ELOVL6: variants seen among roughly 807,000 people sequenced by gnomAD.
ELOVL6 encodes ELOVL fatty acid elongase 6.
A neutral mutation model predicts 31.7 loss-of-function variants in ELOVL6; 8 were observed. That is an observed-to-expected ratio of 0.25 (90% CI 0.15 to 0.45). The LOEUF (loss-of-function observed/expected upper bound fraction) is 0.45. ELOVL6 is among the 20% of genes least tolerant of loss of function. The pLI, the probability that ELOVL6 is intolerant of heterozygous loss-of-function variation, is 1.00. For synonymous variants in ELOVL6, 101 were observed against 117.7 expected, an observed-to-expected ratio of 0.86 and a Z score of 0.92; for missense variants, 126 against 326.4, an observed-to-expected ratio of 0.39 and a Z score of 4.73.
chr4:110,063,097 T>A (rs1755192001), intron 2 of ELOVL6, among the ~76,000 whole-genome samples: 1 of 152,232 alleles, frequency 6.6e-6, no homozygotes. Context: ...CCTTCCTCGC[T>A]GATCTTATTT....
At chr4:110,171,679 CTTTTTTT>C (rs70956406) in intron 1 of ELOVL6, among the ~76,000 whole-genome samples, 260 of 66,186 alleles carry the variant, frequency 3.9e-3, no homozygotes, top group Middle Eastern at 0.012. Flanking sequence ...ATAATATCCT[CTTTTTTT>C]TTTTTTTTTT....
intron 2 of ELOVL6, among the ~76,000 whole-genome samples, chr4:110,083,970 A>G (rs1229079115): frequency 8.4e-6 from 1 of 118,750 alleles, no homozygotes; most frequent in Non-Finnish European, 1.9e-5. Context: ...TATATATGAT[A>G]TAACATATGC....
At chr4:110,171,873 A>G (rs551207860) in intron 1 of ELOVL6, among the ~76,000 whole-genome samples, 1 of 151,860 alleles carries the variant, frequency 6.6e-6, no homozygotes, top group South Asian at 2.1e-4. Flanking sequence ...AGCTTTTTGT[A>G]GAGACAAGGT....
At chr4:110,166,299 A>T (rs779930619) in intron 1 of ELOVL6, among the ~76,000 whole-genome samples, 10 of 152,168 alleles carry the variant, frequency 6.6e-5, no homozygotes, top group Admixed American at 6.6e-5. Flanking sequence ...TTCTTTTCAG[A>T]TAACAAGAAT....
intron 2 of ELOVL6, among the ~76,000 whole-genome samples, chr4:110,083,783 T>A (rs1272507552): frequency 6.6e-6 from 1 of 150,400 alleles, no homozygotes; most frequent in Non-Finnish European, 1.5e-5. Context: ...TGGTGGTTAG[T>A]ATGTGGTAAC....
At chr4:110,126,353 C>G (rs1757498891) in intron 1 of ELOVL6, among the ~76,000 whole-genome samples, 1 of 152,070 alleles carries the variant, frequency 6.6e-6, no homozygotes, top group Non-Finnish European at 1.5e-5. Flanking sequence ...ACCCTCAAAT[C>G]TTGGCCTGAG....
intron 1 of ELOVL6, among the ~76,000 whole-genome samples, chr4:110,161,943 A>G (rs1296027788): frequency 1.3e-5 from 2 of 152,204 alleles, no homozygotes; most frequent in African/African-American, 4.8e-5. Flanking sequence ...TCTACCTGGA[A>G]TAATGAGAAT....
At chr4:110,190,607 C>T (rs1415846772) in intron 1 of ELOVL6, among the ~76,000 whole-genome samples, 9 of 152,070 alleles carry the variant, frequency 5.9e-5, no homozygotes, top group Admixed American at 5.2e-4. Flanking sequence ...TGGGTTCAAG[C>T]GATTCTCCTG....
chr4:110,051,813 G>C lies in ELOVL6; in HGVS notation c.374-51C>G. The C allele has an allele frequency of 6.7e-7, 1 of 1,499,644 alleles. No individual in the cohort carries two copies. The highest frequency in any genetic ancestry group is 9.1e-7 in the Non-Finnish European group (1 of 1,095,868). 92.9% of individuals were successfully genotyped at this position (1,499,644 alleles called of 1,614,324 possible). A position where few individuals can be genotyped will look rare whatever the true frequency, so the allele number is the denominator to read the frequency against. On this transcript the variant is annotated intron_variant, in intron 3 of 3. Coordinates refer to ENST00000302274, the MANE Select transcript of ELOVL6 (RefSeq NM_024090.3). This position sits in a 1 kb window ranked among gnomAD's most constrained non-coding sequence, Gnocchi z 4.8. ...CGTGAGATCCTTGACCACCAGTAAC[G>C]ATGACTTACAGTTTTGTAAGAGGGT...
intron 1 of ELOVL6, among the ~76,000 whole-genome samples, chr4:110,192,879 G>C (rs1349297693): frequency 6.6e-6 from 1 of 152,134 alleles, no homozygotes; most frequent in African/African-American, 2.4e-5. Flanking sequence ...AAATCAATAT[G>C]AACTGTGATA....
rs75450089 is a variant in ELOVL6 at position 110,162,870 on chromosome 4, T to C, written c.89+35377A>G. ...TTTTCACAACTCTGCAAAGCAGTTA[T>C]TGGGACACTCATTGATGAAGAGAAA... On this transcript the variant is annotated intron_variant, in intron 1 of 3. Coordinates refer to ENST00000302274, the MANE Select transcript of ELOVL6 (RefSeq NM_024090.3). Among the ~76,000 whole-genome samples the C allele has an allele frequency of 3.2e-3, 480 of 152,290 alleles. 3 individuals carry two copies. Among genetic ancestry groups the C allele is most frequent in the African/African-American group, 0.011 (455 of 41,562 alleles).
intron 2 of ELOVL6, among the ~76,000 whole-genome samples, chr4:110,086,537 T>A (rs1039955556): frequency 3.3e-5 from 5 of 152,276 alleles, no homozygotes; most frequent in Non-Finnish European, 7.4e-5. Flanking sequence ...AATAGAAATA[T>A]TTTTGGTCAT....
At chr4:110,056,479 G>T (rs1414517239) in intron 3 of ELOVL6, among the ~76,000 whole-genome samples, 1 of 151,814 alleles carries the variant, frequency 6.6e-6, no homozygotes, top group Non-Finnish European at 1.5e-5. Context: ...ACCTCTGAAT[G>T]GCCATTGTCA....
intron 1 of ELOVL6, among the ~76,000 whole-genome samples, chr4:110,114,922 T>C (rs1757133831): frequency 6.6e-6 from 1 of 152,136 alleles, no homozygotes; most frequent in Admixed American, 6.5e-5. Flanking sequence ...AACATATCCA[T>C]GTTTATGAGC....
intron 1 of ELOVL6, among the ~76,000 whole-genome samples, chr4:110,120,588 C>A (rs1757315867): frequency 6.6e-6 from 1 of 152,042 alleles, no homozygotes; most frequent in African/African-American, 2.4e-5. Flanking sequence ...TTGTTCCAGG[C>A]CACGAAATTA....
At chr4:110,120,798 CTTTTTTTT>C (rs1008949209) in intron 1 of ELOVL6, among the ~76,000 whole-genome samples, 1,231 of 117,856 alleles carry the variant, frequency 0.01, 10 homozygotes, top group Middle Eastern at 0.075. Context: ...TTTTTCTTTT[CTTTTTTTT>C]TTTTTTTTTT....
chr4:110,126,151 GT>G (rs1467312368), intron 1 of ELOVL6, among the ~76,000 whole-genome samples: 6 of 151,880 alleles, frequency 4.0e-5, no homozygotes, highest in African/African-American at 1.5e-4. Context: ...TCAAACAATT[GT>G]CCTACCTCAG....
intron 2 of ELOVL6, among the ~76,000 whole-genome samples, chr4:110,078,273 A>C (rs1004810368): frequency 6.6e-6 from 1 of 152,198 alleles, no homozygotes; most frequent in African/African-American, 2.4e-5. Flanking sequence ...GAGCAACTCC[A>C]AGACACATAA....
At chr4:110,183,107 G>T (rs1759337991) in intron 1 of ELOVL6, among the ~76,000 whole-genome samples, 1 of 152,076 alleles carries the variant, frequency 6.6e-6, no homozygotes, top group African/African-American at 2.4e-5. Context: ...GAGGCTTCTA[G>T]ATGACTTTAT....
Sources: gnomAD v4.1 joint callset for allele counts (sites outside exome capture counted in the v4.1 genomes callset) on GRCh38, gnomAD v4.1.1 for gene constraint, Gnocchi (gnomAD v3.1) non-coding constraint, MANE v1.5 for transcripts, NCBI Gene and HGNC (gene_info 2026-07-23, HGNC 2026-07-21) for gene names.